DLC1: variants seen among roughly 807,000 people sequenced by gnomAD.
DLC1 encodes rho GTPase-activating protein 7.
In DLC1, 54 loss-of-function variants were observed where a neutral mutation model predicts 140.3. The ratio of observed to expected loss-of-function variants is 0.38; its 90% CI spans 0.31 to 0.48. DLC1 has a LOEUF of 0.48. Among genes scored for constraint, DLC1 ranks in the 20% least tolerant of loss-of-function variants. The probability of loss-of-function intolerance (pLI) is 0.96; values close to 1 mark genes in which losing one functional copy is unlikely to be tolerated. For missense variants in DLC1, 2,536 were observed against 1,907.0 expected (o/e 1.33, Z -6.14); for synonymous variants, 986 against 728.1 (o/e 1.35, Z -5.70).
At chr8:13,518,864 T>C (rs578143655), upstream of DLC1, among the ~76,000 whole-genome samples, 1 of 152,320 alleles carries the variant, frequency 6.6e-6, no homozygotes, top group Admixed American at 6.5e-5. Flanking sequence ...AATTTGCTTG[T>C]AATTTATTGA....
chr8:13,102,378 G>A (rs190291911), intron 8 of DLC1, among the ~76,000 whole-genome samples: 1 of 152,058 alleles, frequency 6.6e-6, no homozygotes, highest in African/African-American at 2.4e-5. Flanking sequence ...GCACAAATCG[G>A]CCTTCGCTTT....
chr8:13,587,261 G>A (rs954202783), intron 1 of DLC1, among the ~76,000 whole-genome samples: 2 of 151,090 alleles, frequency 1.3e-5, no homozygotes, highest in Non-Finnish European at 2.9e-5. Context: ...TCTTTTAAAG[G>A]GTGTGCTTTT....
At chr8:13,135,325 T>C (rs10091100) in intron 5 of DLC1, among the ~76,000 whole-genome samples, 52,445 of 150,294 alleles carry the variant, frequency 0.35, 9,930 homozygotes, top group African/African-American at 0.49. Context: ...GGACTACAGG[T>C]GCCCGCCACC....
chr8:13,135,600 A>C (rs1004091680), intron 5 of DLC1, among the ~76,000 whole-genome samples: 1 of 152,188 alleles, frequency 6.6e-6, no homozygotes, highest in African/African-American at 2.4e-5. Context: ...GAAACATACT[A>C]ATTTATCTTA....
At chr8:13,386,144 C>T (rs760860642) in intron 4 of DLC1, among the ~76,000 whole-genome samples, 28 of 152,106 alleles carry the variant, frequency 1.8e-4, no homozygotes, top group Non-Finnish European at 3.5e-4. Context: ...AAATTTTTCT[C>T]ATTGTAATGA....
At chr8:13,509,242 G>A (rs12675813) in intron 1 of DLC1, among the ~76,000 whole-genome samples, 123,805 of 152,190 alleles carry the variant, frequency 0.81, 51,938 homozygotes, top group Non-Finnish European at 0.93. Context: ...ATCACTCCGC[G>A]TAAATAACAG....
Position 13,254,897 on chromosome 8 carries a change from T to G in DLC1, c.1348+50372A>C, listed in dbSNP as rs75272141. Among the ~76,000 whole-genome samples, 304 of 152,268 alleles carry G rather than the reference T, an allele frequency of 2.0e-3. 4 individuals are homozygous for G. In the East Asian group the frequency reaches 0.022, roughly 11 times the overall value. On this transcript the variant is annotated intron_variant, in intron 5 of 17. Transcript: ENST00000276297. ...GGTTAAGGGCACCGATCCTGGAAAT[T>G]GGGGATCTGGATTTTAATTCTGACT...
chr8:13,147,549 T>C (rs576670921), intron 5 of DLC1, among the ~76,000 whole-genome samples: 2 of 152,302 alleles, frequency 1.3e-5, no homozygotes, highest in African/African-American at 4.8e-5. Context: ...CACTCTTATC[T>C]GGAATTTAAG....
intron 4 of DLC1, among the ~76,000 whole-genome samples, chr8:13,357,272 C>T (rs1490417690): frequency 6.6e-6 from 1 of 151,836 alleles, no homozygotes; most frequent in Admixed American, 6.6e-5. Flanking sequence ...GTCTGTCAAA[C>T]TGAAAGAAAA....
At chr8:13,378,547 T>C (rs1303385696) in intron 4 of DLC1, among the ~76,000 whole-genome samples, 2 of 152,168 alleles carry the variant, frequency 1.3e-5, no homozygotes, top group Admixed American at 6.5e-5. Flanking sequence ...AAAAGATTCT[T>C]CTACAGATAC....
intron 5 of DLC1, among the ~76,000 whole-genome samples, chr8:13,301,237 T>A (rs1190769247): frequency 6.7e-6 from 1 of 148,156 alleles, no homozygotes; most frequent in East Asian, 2.0e-4. Context: ...AAAAAAAAAA[T>A]CTCTAAAGGG....
At chr8:13,411,889 G>T (rs908036561) in intron 2 of DLC1, among the ~76,000 whole-genome samples, 2 of 151,958 alleles carry the variant, frequency 1.3e-5, no homozygotes, top group Non-Finnish European at 2.9e-5. Context: ...GTAAATCCCA[G>T]AGACCATATA....
chr8:13,601,561 T>C (rs985428082), intron 1 of DLC1, among the ~76,000 whole-genome samples: 1 of 151,618 alleles, frequency 6.6e-6, no homozygotes, highest in African/African-American at 2.4e-5. Context: ...GTTAGAGTAA[T>C]TAGACTTACA....
At chr8:13,427,647 A>G (rs1181809152) in intron 2 of DLC1, among the ~76,000 whole-genome samples, 1 of 151,956 alleles carries the variant, frequency 6.6e-6, no homozygotes. Context: ...TTCTTTCTCA[A>G]TCCCACTTCC....
chr8:13,088,864 T>TG (rs1219376810), intron 15 of DLC1, 160 bp from the exon 16 acceptor site: 11 of 585,348 alleles, frequency 1.9e-5, no homozygotes, highest in Non-Finnish European at 2.9e-5. Flanking sequence ...AAAGAAATAT[T>TG]GGGGGCTAAT....
At chr8:13,212,708 T>C (rs942324662) in intron 5 of DLC1, among the ~76,000 whole-genome samples, 2 of 152,162 alleles carry the variant, frequency 1.3e-5, no homozygotes, top group African/African-American at 4.8e-5. Flanking sequence ...CTTTCTCGAG[T>C]GGCTTTCTTA....
chr8:13,474,212 A>G (rs1800338094), intron 2 of DLC1, among the ~76,000 whole-genome samples: 1 of 152,138 alleles, frequency 6.6e-6, no homozygotes, highest in Admixed American at 6.5e-5. Flanking sequence ...CATGAATAAG[A>G]GGAGCCAAGG....
At position 13,099,951 on chromosome 8, in the gene DLC1, T is replaced by G. The variant is rs746259994; in HGVS notation, c.2386A>C (p.Lys796Gln). ...TCCTCTGGGTAGCTCTCGCGGTTCT[T>G]AAAGTTCTGCTCCACCACGTTGTTA... Reference protein sequence around the residue: ...TFNNVVEQNFKNRESYPEDTV... With the variant: ...TFNNVVEQNFQNRESYPEDTV... The change falls in exon 9 of 18, where the codon AAG becomes CAG. Residue 796 changes from lysine (K) to glutamine (Q), a missense_variant. Transcript: ENST00000276297. The G allele has an allele frequency of 1.2e-6, 2 of 1,613,178 alleles. No individual in the cohort carries two copies. Among genetic ancestry groups the G allele is most frequent in the Admixed American group, 1.7e-5 (1 of 60,000 alleles).
intron 2 of DLC1, among the ~76,000 whole-genome samples, chr8:13,493,461 C>T (rs900963888): frequency 2.0e-5 from 3 of 152,044 alleles, no homozygotes; most frequent in Non-Finnish European, 4.4e-5. Flanking sequence ...TTATGGGGCA[C>T]ATAGATGATG....
Sources: gnomAD v4.1 joint callset for allele counts (sites outside exome capture counted in the v4.1 genomes callset) on GRCh38, gnomAD v4.1.1 for gene constraint, MANE v1.5 for transcripts, NCBI Gene and HGNC (gene_info 2026-07-23, HGNC 2026-07-21) for gene names.